SUPT3H: variants seen among roughly 807,000 people sequenced by gnomAD.
SUPT3H encodes transcription initiation protein SPT3 homolog.
A neutral mutation model predicts 44.3 loss-of-function variants in SUPT3H; 44 were observed. The observed-to-expected ratio is 0.99, with a 90% confidence interval of 0.78 to 1.28. The LOEUF is 1.28. Ranked by LOEUF, SUPT3H falls within the 50% of genes most tolerant of loss-of-function variation. The pLI, the probability that SUPT3H is intolerant of heterozygous loss-of-function variation, is 0.00. For synonymous variants in SUPT3H, 124 were observed against 125.6 expected (o/e 0.99, Z 0.09); for missense variants, 380 against 387.1 (o/e 0.98, Z 0.15).
At chr6:44,851,306 C>T (rs1772845280) in intron 10 of SUPT3H, among the ~76,000 whole-genome samples, 1 of 152,140 alleles carries the variant, frequency 6.6e-6, no homozygotes, top group Non-Finnish European at 1.5e-5. Flanking sequence ...CTAGGATGAG[C>T]AGAAAGTGGG....
intron 2 of SUPT3H, among the ~76,000 whole-genome samples, chr6:45,106,815 C>T (rs1312111214): frequency 6.6e-6 from 1 of 152,206 alleles, no homozygotes; most frequent in East Asian, 1.9e-4. Flanking sequence ...GGATTACAGG[C>T]ATGAGTCACC....
At chr6:45,218,987 C>A (rs1476237098) in intron 2 of SUPT3H, among the ~76,000 whole-genome samples, 2 of 152,052 alleles carry the variant, frequency 1.3e-5, no homozygotes, top group Admixed American at 6.5e-5. Flanking sequence ...GAGAAAATCT[C>A]TAAGCACACT....
intron 10 of SUPT3H, among the ~76,000 whole-genome samples, chr6:44,866,519 T>C (rs1311346833): frequency 7.8e-5 from 2 of 25,692 alleles, no homozygotes; most frequent in African/African-American, 2.2e-4. Context: ...ATCCATCTCT[T>C]AGGAAAATAA....
At chr6:44,857,575 T>C (rs764253155) in intron 10 of SUPT3H, among the ~76,000 whole-genome samples, 8 of 152,378 alleles carry the variant, frequency 5.3e-5, no homozygotes, top group Admixed American at 3.3e-4. Context: ...TACAATGATT[T>C]TACTATTGCT....
At chr6:44,981,778 T>A (rs1427734029) in intron 6 of SUPT3H, among the ~76,000 whole-genome samples, 1 of 151,332 alleles carries the variant, frequency 6.6e-6, no homozygotes, top group Non-Finnish European at 1.5e-5. Context: ...AGGGAACTCC[T>A]GAAAGCCTTA....
chr6:45,273,741 T>C (rs1776580960), intron 2 of SUPT3H, among the ~76,000 whole-genome samples: 1 of 152,216 alleles, frequency 6.6e-6, no homozygotes, highest in Non-Finnish European at 1.5e-5. Flanking sequence ...CATTTTTATT[T>C]TTTGACTATT....
At chr6:45,351,198 C>CA (rs1167315155) in intron 2 of SUPT3H, among the ~76,000 whole-genome samples, 2 of 151,918 alleles carry the variant, frequency 1.3e-5, no homozygotes, top group Non-Finnish European at 2.9e-5. Flanking sequence ...AAGATACATA[C>CA]AAAAAAATTA....
intron 2 of SUPT3H, among the ~76,000 whole-genome samples, chr6:45,236,373 A>G (rs1209538659): frequency 6.6e-6 from 1 of 152,148 alleles, no homozygotes; most frequent in African/African-American, 2.4e-5. Context: ...GCTCAGAAGC[A>G]TCAGGGTAAC....
intron 10 of SUPT3H, among the ~76,000 whole-genome samples, chr6:44,904,809 C>T (rs1408070528): frequency 2.6e-5 from 4 of 152,208 alleles, no homozygotes; most frequent in East Asian, 1.9e-4. Context: ...ATGGTACTGG[C>T]ACCAAAACAG....
At chr6:45,241,043 G>C (rs1401008029) in intron 2 of SUPT3H, among the ~76,000 whole-genome samples, 1 of 152,196 alleles carries the variant, frequency 6.6e-6, no homozygotes, top group Non-Finnish European at 1.5e-5. Flanking sequence ...ACACTTGGAA[G>C]CTGGGTGATT....
chr6:45,155,273 T>C (rs1251968506), intron 2 of SUPT3H, among the ~76,000 whole-genome samples: 2 of 152,176 alleles, frequency 1.3e-5, no homozygotes, highest in East Asian at 1.9e-4. Flanking sequence ...ACAGCCAAGA[T>C]GTCAAGAGGC....
At chr6:45,082,936 T>C (rs541981774) in intron 3 of SUPT3H, among the ~76,000 whole-genome samples, 16 of 152,002 alleles carry the variant, frequency 1.1e-4, no homozygotes, top group Non-Finnish European at 2.4e-4. Context: ...TTTCAGGATA[T>C]AAAATCAACA....
intron 3 of SUPT3H, among the ~76,000 whole-genome samples, chr6:45,061,427 C>A (rs1369861069): frequency 6.6e-6 from 1 of 152,022 alleles, no homozygotes; most frequent in Admixed American, 6.6e-5. Flanking sequence ...TGGGGAACAA[C>A]ACATGGGGCC....
chr6:45,219,795 C>T (rs998437938), intron 2 of SUPT3H, among the ~76,000 whole-genome samples: 1 of 151,984 alleles, frequency 6.6e-6, no homozygotes, highest in African/African-American at 2.4e-5. Context: ...AATCCCAGCA[C>T]TTTGGGAGGC....
intron 2 of SUPT3H, among the ~76,000 whole-genome samples, chr6:45,322,666 G>A (rs192540539): frequency 1.3e-5 from 2 of 152,148 alleles, no homozygotes; most frequent in East Asian, 1.9e-4. Context: ...ATCTGCGATC[G>A]CCTTTACTGA....
chr6:45,041,580 G>A (rs1230020548), intron 3 of SUPT3H, among the ~76,000 whole-genome samples: 1 of 152,130 alleles, frequency 6.6e-6, no homozygotes, highest in Non-Finnish European at 1.5e-5. Context: ...CAAAATTAAT[G>A]AATAATAAAT....
intron 2 of SUPT3H, among the ~76,000 whole-genome samples, chr6:45,264,964 A>G (rs1327754620): frequency 6.6e-6 from 1 of 152,192 alleles, no homozygotes; most frequent in African/African-American, 2.4e-5. Flanking sequence ...ATTAAAGGAA[A>G]AAAATCACTT....
intron 2 of SUPT3H, chr6:45,159,291 T>G (rs1312999799): frequency 6.6e-6 from 1 of 152,216 alleles, no homozygotes; most frequent in Non-Finnish European, 1.5e-5. Flanking sequence ...GAAAGATTGT[T>G]ACTGGGCACA....
rs56996484 is a variant in SUPT3H at position 45,045,161 on chromosome 6, T to C, written c.187-24529A>G. On this transcript the variant is annotated intron_variant, in intron 3 of 10. Coordinates refer to ENST00000371459, the MANE Select transcript of SUPT3H (RefSeq NM_003599.4). ...TCCATGCCATAAAACAGACTACAGA[T>C]ACTGTCATATTATAAACCTTAGAAT... 5.4e-3 allele frequency among the ~76,000 whole-genome samples: 824 copies of C among 152,170 alleles called. 9 individuals carry two copies. Among genetic ancestry groups the C allele is most frequent in the African/African-American group, 0.019 (791 of 41,502 alleles).
Sources: gnomAD v4.1 joint callset for allele counts (sites outside exome capture counted in the v4.1 genomes callset) on GRCh38, gnomAD v4.1.1 for gene constraint, MANE v1.5 for transcripts, NCBI Gene and HGNC (gene_info 2026-07-23, HGNC 2026-07-21) for gene names.